The following HEATR1 variants were observed in gnomAD, a reference collection of about 807,000 sequenced individuals.
The protein encoded by HEATR1 is HEAT repeat containing 1.
Under a neutral mutation model 248.2 loss-of-function variants are expected in HEATR1, and 77 were observed. The observed-to-expected ratio is 0.31, with a 90% CI of 0.26 to 0.37. HEATR1 has a LOEUF of 0.37. HEATR1 is among the 10% of genes least tolerant of loss of function. HEATR1 has a pLI of 1.00. For synonymous variants in HEATR1, 897 were observed against 923.1 expected (o/e 0.97, Z 0.51); for missense variants, 2,420 against 2,504.9 (o/e 0.97, Z 0.72).
intron 42 of HEATR1, among the ~76,000 whole-genome samples, chr1:236,554,309 T>C (rs866298840): frequency 1.3e-5 from 2 of 152,080 alleles, no homozygotes; most frequent in African/African-American, 4.8e-5. Flanking sequence ...CAAGAATTGC[T>C]TGAAACCGGG....
chr1:236,567,810 T>C (rs919325719), intron 29 of HEATR1, among the ~76,000 whole-genome samples: 4 of 152,212 alleles, frequency 2.6e-5, no homozygotes, highest in African/African-American at 9.7e-5. Context: ...TTAGACTGCC[T>C]GGGAAGGCTG....
chr1:236,596,892 C>T lies in HEATR1; in HGVS notation c.688G>A (p.Ala230Thr). 1 of 1,614,122 alleles carries T rather than the reference C, an allele frequency of 6.2e-7. No homozygotes were observed. Among genetic ancestry groups the T allele is most frequent in the Non-Finnish European group, 8.5e-7 (1 of 1,180,006 alleles). Residue 230 changes from alanine (A) to threonine (T), a missense_variant, in exon 6 of 45, where the codon GCT becomes ACT. Physicochemically the swap from Ala to Thr is moderately conservative, Grantham distance 58. Coordinates refer to ENST00000366582, the MANE Select transcript of HEATR1 (RefSeq NM_018072.6). ...ATATTGTCTGATACGTCCTCTGCAGCTACCAGCGCCGACACTATGGTAGAA... is the reference window on the plus strand; with the variant it reads ...ATATTGTCTGATACGTCCTCTGCAGTTACCAGCGCCGACACTATGGTAGAA... ...YASTIVSALV[A>T]AEDVSDNIIA...
intron 32 of HEATR1, among the ~76,000 whole-genome samples, chr1:236,563,519 G>A (rs1394687837): frequency 6.6e-6 from 1 of 152,042 alleles, no homozygotes; most frequent in Non-Finnish European, 1.5e-5. Context: ...TGATCCGCCC[G>A]CCTCGGCCTC....
chr1:236,592,645 AAAAC>A lies in HEATR1; in HGVS notation c.1194-16_1194-13del. The A allele has an allele frequency of 8.9e-7, 1 of 1,121,548 alleles. No individual in the cohort carries two copies. Among genetic ancestry groups the A allele is most frequent in the Non-Finnish European group, 1.3e-6 (1 of 757,104 alleles). 69.5% of individuals were successfully genotyped at this position (1,121,548 alleles called of 1,614,324 possible). On this transcript the variant is annotated splice_polypyrimidine_tract_variant and intron_variant, in intron 9 of 44. Coordinates refer to ENST00000366582, the MANE Select transcript of HEATR1 (RefSeq NM_018072.6). ...CTTCAAATAGAAGGCTGTAAAAAAAAAAACAGAAATATCAGCATACATAAGAGTT... is the reference window on the plus strand; with the variant it reads ...CTTCAAATAGAAGGCTGTAAAAAAAAAGAAATATCAGCATACATAAGAGTT...
chr1:236,594,012 C>A lies in HEATR1; in HGVS notation c.1193G>T (p.Ser398Ile). The change falls in exon 9 of 45, where the codon AGC becomes ATC. Residue 398 changes from serine to isoleucine, a missense_variant and splice_region_variant. Coordinates refer to ENST00000366582, the MANE Select transcript of HEATR1 (RefSeq NM_018072.6). ...LKNNLDHLLA[S>I]LLFEEYISYS... ...AAGCATGTCAAAAATAATAGCTTACCTAGCCAACAAATGGTCTAAGTTGTT... is the reference window on the plus strand; with the variant it reads ...AAGCATGTCAAAAATAATAGCTTACATAGCCAACAAATGGTCTAAGTTGTT... 2 of 1,565,176 alleles carry A rather than the reference C, an allele frequency of 1.3e-6. No homozygotes were observed. Among genetic ancestry groups the A allele is most frequent in the Non-Finnish European group, 1.7e-6 (2 of 1,154,000 alleles).
chr1:236,577,454 T>C (rs1663592874), intron 20 of HEATR1, among the ~76,000 whole-genome samples: 1 of 151,686 alleles, frequency 6.6e-6, no homozygotes. Flanking sequence ...TGCGAATGTT[T>C]TCCATAAGTA....
At chr1:236,582,530 A>C (rs993187055) in intron 19 of HEATR1, among the ~76,000 whole-genome samples, 3 of 151,824 alleles carry the variant, frequency 2.0e-5, no homozygotes, top group Non-Finnish European at 2.9e-5. Context: ...CTGCCTCCCA[A>C]GTGGCTGGGA....
At chr1:236,587,328 G>T in intron 14 of HEATR1, 74 bp downstream of exon 14, 1 of 620,932 alleles carries the variant, frequency 1.6e-6, no homozygotes, top group Non-Finnish European at 2.5e-6. Context: ...AAAAAAAAAA[G>T]AAGAAGAAAT....
intron 22 of HEATR1, among the ~76,000 whole-genome samples, chr1:236,575,825 C>T (rs1008805881): frequency 3.9e-5 from 6 of 152,108 alleles, no homozygotes; most frequent in African/African-American, 9.7e-5. Context: ...ATATAATAAA[C>T]GAGCAAATGA....
At position 236,592,470 on chromosome 1, in the gene HEATR1, T is replaced by G. The variant is rs10159063; in HGVS notation, c.1304+53A>C. ...TAAGATGTGACTTGTGAATCATATC[T>G]TTATAGAACAGGAAGTACTTTAGAA... is the stretch of plus-strand genomic sequence containing the variant. On this transcript the variant is annotated intron_variant, in intron 10 of 44. Transcript: ENST00000366582. 9.6e-4 allele frequency: 733 copies of G among 761,222 alleles called. 3 individuals carry two copies. In the African/African-American group the frequency reaches 0.012, roughly 12 times the overall value. 47.2% of individuals were successfully genotyped at this position (761,222 alleles called of 1,614,324 possible). A position where few individuals can be genotyped will look rare whatever the true frequency, so the allele number is the denominator to read the frequency against.
At chr1:236,604,251 A>G in intron 1 of HEATR1, 124 bp from the exon 2 acceptor site, 2 of 679,334 alleles carry the variant, frequency 2.9e-6, no homozygotes, top group Non-Finnish European at 4.5e-6. Context: ...AGATTTGTGG[A>G]CCCCGGAGAT....
intron 25 of HEATR1, 56 bp from the exon 26 acceptor site, chr1:236,572,610 A>T (rs1663457712): frequency 6.2e-7 from 1 of 1,608,616 alleles, no homozygotes; most frequent in African/African-American, 1.3e-5. Context: ...TGTGCTAAGT[A>T]AAAACCATTG....
chr1:236,582,150 G>A (rs1663766902), intron 19 of HEATR1, among the ~76,000 whole-genome samples: 1 of 151,994 alleles, frequency 6.6e-6, no homozygotes, highest in Non-Finnish European at 1.5e-5. Context: ...TGTCGCCCAG[G>A]CTGGAGTGCA....
chr1:236,566,392 G>A (rs781481325), intron 30 of HEATR1, among the ~76,000 whole-genome samples: 1 of 150,788 alleles, frequency 6.6e-6, no homozygotes, highest in African/African-American at 2.4e-5. Context: ...AACCACTTGC[G>A]TGGCACCAGA....
intron 24 of HEATR1, among the ~76,000 whole-genome samples, chr1:236,573,371 G>GTCT (rs1262832329): frequency 6.6e-6 from 1 of 152,142 alleles, no homozygotes; most frequent in Non-Finnish European, 1.5e-5. Flanking sequence ...CTGCCCCAGA[G>GTCT]ATTCTTTAGA....
At chr1:236,603,602 T>C (rs1664385676) in intron 2 of HEATR1, among the ~76,000 whole-genome samples, 1 of 151,732 alleles carries the variant, frequency 6.6e-6, no homozygotes, top group Non-Finnish European at 1.5e-5. Context: ...CTTTTTTTTT[T>C]TTTTTTTTGG....
intron 28 of HEATR1, among the ~76,000 whole-genome samples, chr1:236,570,244 G>C (rs565543026): frequency 1.3e-5 from 2 of 152,144 alleles, no homozygotes; most frequent in African/African-American, 2.4e-5. Context: ...AGCTGAGATC[G>C]CGCCACTGCA....
chr1:236,572,436 G>A lies in HEATR1; in HGVS notation c.3682C>T (p.Pro1228Ser), dbSNP rs777322505. ...KKLRSPQILV[P>S]TLFNLLSRCL... ...CTTGATAGCAAGTTAAAAAGAGTTG[G>A]CACCAATATCTGAGGACTTCTGAGC... The change falls in exon 26 of 45, where the codon CCA (proline) becomes TCA (serine). Residue 1228 changes from proline to serine, a missense_variant. Pro to Ser is a moderately conservative substitution (Grantham distance 74, BLOSUM62 -1). Coordinates refer to ENST00000366582, the MANE Select transcript of HEATR1 (RefSeq NM_018072.6). 1.9e-6 allele frequency: 3 copies of A among 1,614,054 alleles called. No individual in the cohort carries two copies. Among genetic ancestry groups the A allele is most frequent in the Middle Eastern group, 1.6e-4 (1 of 6,062 alleles).
intron 28 of HEATR1, 23 bp downstream of exon 28, chr1:236,571,328 A>G: frequency 6.4e-7 from 1 of 1,567,248 alleles, no homozygotes; most frequent in Non-Finnish European, 8.6e-7. Flanking sequence ...TATCTGCTAA[A>G]ATCTTATATC....
Sources: gnomAD v4.1 joint callset for allele counts (sites outside exome capture counted in the v4.1 genomes callset) on GRCh38, gnomAD v4.1.1 for gene constraint, MANE v1.5 for transcripts, NCBI Gene and HGNC (gene_info 2026-07-23, HGNC 2026-07-21) for gene names.